PEX14: variants seen among roughly 807,000 people sequenced by gnomAD.
PEX14 encodes peroxisomal membrane protein PEX14.
In PEX14, 15 loss-of-function variants were observed where a neutral mutation model predicts 49.5. The observed-to-expected ratio is 0.30, with a 90% CI of 0.20 to 0.47. The LOEUF (loss-of-function observed/expected upper bound fraction) is 0.47, where lower values mean the gene tolerates loss of function less well. PEX14 is among the 20% of genes least tolerant of loss of function. The pLI is 1.00. For missense variants in PEX14, 398 were observed against 494.8 expected (o/e 0.80, Z 1.86); for synonymous variants, 210 against 212.7 (o/e 0.99, Z 0.11).
At chr1:10,485,207 G>C (rs567819755) in intron 1 of PEX14, among the ~76,000 whole-genome samples, 1 of 150,904 alleles carries the variant, frequency 6.6e-6, no homozygotes, top group South Asian at 2.1e-4. Context: ...GGCTTATGTA[G>C]TAAGTATGTT....
chr1:10,559,319 A>C (rs1399449097), intron 3 of PEX14, among the ~76,000 whole-genome samples: 1 of 152,210 alleles, frequency 6.6e-6, no homozygotes, highest in Admixed American at 6.5e-5. Context: ...CTTGCTTTGC[A>C]GGACTTTTTC....
chr1:10,518,332 C>T (rs1642006629), intron 2 of PEX14, among the ~76,000 whole-genome samples: 1 of 152,132 alleles, frequency 6.6e-6, no homozygotes, highest in African/African-American at 2.4e-5. Context: ...GCTCCACAGA[C>T]CTGCAAGACT....
intron 2 of PEX14, among the ~76,000 whole-genome samples, chr1:10,508,348 A>G (rs1172300525): frequency 6.6e-6 from 1 of 152,024 alleles, no homozygotes; most frequent in East Asian, 1.9e-4. Flanking sequence ...CTGGGACTAC[A>G]GGCGCCCGCC....
chr1:10,577,264 G>A (rs1640143209), intron 3 of PEX14, among the ~76,000 whole-genome samples: 1 of 150,770 alleles, frequency 6.6e-6, no homozygotes, highest in Non-Finnish European at 1.5e-5. Flanking sequence ...GGGCTTGGTG[G>A]CACATGCATG....
chr1:10,605,441 A>G (rs1325189833), intron 4 of PEX14, among the ~76,000 whole-genome samples: 2 of 152,222 alleles, frequency 1.3e-5, no homozygotes, highest in African/African-American at 4.8e-5. Flanking sequence ...ATTTGAGAAC[A>G]AAGGAAATTC....
intron 3 of PEX14, among the ~76,000 whole-genome samples, chr1:10,564,632 CA>C (rs1211936323): frequency 7.0e-6 from 1 of 142,512 alleles, no homozygotes; most frequent in Non-Finnish European, 1.5e-5. Flanking sequence ...AGGGCCTTGC[CA>C]TGTTGCCAAG....
Position 10,497,695 on chromosome 1 carries a change from C to T in PEX14, c.84+2374C>T, listed in dbSNP as rs569409436. Among the ~76,000 whole-genome samples, 178 of 152,190 alleles carry T rather than the reference C, an allele frequency of 1.2e-3. 3 individuals carry two copies. The highest frequency in any genetic ancestry group is 4.0e-3 in the African/African-American group (166 of 41,516). On this transcript the variant is annotated intron_variant, in intron 2 of 8. Coordinates refer to ENST00000356607, the MANE Select transcript of PEX14 (RefSeq NM_004565.3). ...AGAGCAGGAAGAGCTCTGCGGAGGG[C>T]GAGGGCCACTTAGGGATGGCTTTTG...
In PEX14 at chr1:10,603,501, A is replaced by G. The variant is rs187096278; in HGVS notation, c.298+4135A>G. 7.9e-5 allele frequency among the ~76,000 whole-genome samples: 12 copies of G among 152,228 alleles called. No individual in the cohort carries two copies. In the East Asian group the frequency reaches 2.1e-3, roughly 27 times the overall value. On this transcript the variant is annotated intron_variant, in intron 4 of 8. Coordinates refer to ENST00000356607, the MANE Select transcript of PEX14 (RefSeq NM_004565.3). ...AAGCTTGGTGTCACCTGGTGTGAGC[A>G]TAAACCAGTGCTCTCGGGGGCTAGA... is the stretch of plus-strand genomic sequence containing the variant.
intron 3 of PEX14, among the ~76,000 whole-genome samples, chr1:10,588,430 T>C (rs1277134325): frequency 6.6e-6 from 1 of 152,066 alleles, no homozygotes; most frequent in Non-Finnish European, 1.5e-5. Flanking sequence ...AGACTGATTT[T>C]TCACGATAAA....
chr1:10,594,688 A>G (rs1198952304), intron 3 of PEX14, among the ~76,000 whole-genome samples: 1 of 152,162 alleles, frequency 6.6e-6, no homozygotes, highest in African/African-American at 2.4e-5. Flanking sequence ...GGCAGTGCCC[A>G]GCGGTCACTG....
intron 2 of PEX14, among the ~76,000 whole-genome samples, chr1:10,503,584 G>C (rs946067993): frequency 1.3e-5 from 2 of 150,480 alleles, no homozygotes; most frequent in African/African-American, 4.9e-5. Flanking sequence ...TCATGTAAAA[G>C]TGTTTTTTTA....
At chr1:10,551,618 T>C (rs1349628850) in intron 3 of PEX14, among the ~76,000 whole-genome samples, 1 of 152,192 alleles carries the variant, frequency 6.6e-6, no homozygotes, top group East Asian at 1.9e-4. Context: ...GGTATTTGTT[T>C]AAAAGGATTT....
At chr1:10,606,654 T>C (rs190105668) in intron 4 of PEX14, among the ~76,000 whole-genome samples, 1 of 152,356 alleles carries the variant, frequency 6.6e-6, no homozygotes, top group Admixed American at 6.5e-5. Flanking sequence ...CTTAAATAAA[T>C]GTTATATTCT....
rs543963261 is a variant in PEX14 at position 10,630,411 on chromosome 1, C to T, written c.*424C>T. On this transcript the variant is annotated 3_prime_UTR_variant, in exon 9 of 9. Coordinates refer to ENST00000356607, the MANE Select transcript of PEX14 (RefSeq NM_004565.3). This position sits in a 1 kb window ranked among gnomAD's most constrained non-coding sequence, Gnocchi z 4.1. The stretch of plus-strand genomic sequence containing the variant: ...CGACTCCTCAGTGGAGGAGGAGCTG[C>T]GGTCCCTCTGGTGTCTGCCATCCCC... 7 of 199,850 alleles carry T rather than the reference C, an allele frequency of 3.5e-5. No homozygotes were observed. The highest frequency in any genetic ancestry group is 2.7e-4 in the East Asian group (2 of 7,530). 12.4% of individuals were successfully genotyped at this position (199,850 alleles called of 1,614,324 possible). A position where few individuals can be genotyped will look rare whatever the true frequency, so the allele number is the denominator to read the frequency against.
chr1:10,607,228 T>C (rs1641153725), intron 4 of PEX14, among the ~76,000 whole-genome samples: 1 of 152,236 alleles, frequency 6.6e-6, no homozygotes, highest in Non-Finnish European at 1.5e-5. Flanking sequence ...CGAAGCCTTT[T>C]CCTTTTTACC....
At chr1:10,618,868 T>A (rs1356231195) in intron 5 of PEX14, among the ~76,000 whole-genome samples, 1 of 152,200 alleles carries the variant, frequency 6.6e-6, no homozygotes, top group Non-Finnish European at 1.5e-5. Context: ...AAAATGGGAA[T>A]AACAGTCCCC....
intron 2 of PEX14, among the ~76,000 whole-genome samples, chr1:10,534,284 TGACCCTG>T (rs1638734704): frequency 1.3e-5 from 2 of 152,252 alleles, no homozygotes; most frequent in South Asian, 4.1e-4. Context: ...AGACTGGCGC[TGACCCTG>T]GGGGCCAGTG....
chr1:10,554,659 T>C (rs1639434525), intron 3 of PEX14, among the ~76,000 whole-genome samples: 1 of 152,114 alleles, frequency 6.6e-6, no homozygotes, highest in African/African-American at 2.4e-5. Flanking sequence ...AAGGTGGACC[T>C]GGTTTGGCGG....
intron 3 of PEX14, among the ~76,000 whole-genome samples, chr1:10,544,810 G>A (rs1325406937): frequency 6.6e-6 from 1 of 151,648 alleles, no homozygotes; most frequent in African/African-American, 2.4e-5. Context: ...CACCTAGGCT[G>A]GAGTGCAGTG....
Sources: gnomAD v4.1 joint callset for allele counts (sites outside exome capture counted in the v4.1 genomes callset) on GRCh38, gnomAD v4.1.1 for gene constraint, Gnocchi (gnomAD v3.1) non-coding constraint, MANE v1.5 for transcripts, NCBI Gene and HGNC (gene_info 2026-07-23, HGNC 2026-07-21) for gene names.